SOX6: variants seen among roughly 807,000 people sequenced by gnomAD.
SOX6 encodes transcription factor SOX-6.
In SOX6, 11 loss-of-function variants were observed where a neutral mutation model predicts 97.8. That is an observed-to-expected ratio of 0.11 (90% CI 0.07 to 0.19). The LOEUF is 0.19. Among genes scored for constraint, SOX6 ranks in the 10% least tolerant of loss-of-function variants. The pLI, the probability that SOX6 is intolerant of heterozygous loss-of-function variation, is 1.00. For missense variants in SOX6, 810 were observed against 1,039.5 expected (o/e 0.78, Z 3.04); for synonymous variants, 360 against 371.4 (o/e 0.97, Z 0.35).
At chr11:16,051,687 T>C (rs939521899) in intron 10 of SOX6, among the ~76,000 whole-genome samples, 17 of 152,180 alleles carry the variant, frequency 1.1e-4, no homozygotes, top group African/African-American at 4.1e-4. Flanking sequence ...GCTAGGTGTT[T>C]ACTTAATTTT....
At position 16,736,858 on chromosome 11, in the gene SOX6, T is replaced by A. The variant is rs182355044; in HGVS notation, n.220-386A>T. Reference sequence around the variant, plus strand: ...TTTTTTTCTCTTGGGTTTACTCTCCTCCTCCTTTATGATTTATTCTTACCA... The same window carrying A: ...TTTTTTTCTCTTGGGTTTACTCTCCACCTCCTTTATGATTTATTCTTACCA... On this transcript the variant is annotated intron_variant and non_coding_transcript_variant, in intron 1 of 5. Coordinates refer to the SOX6 transcript ENST00000524520. Among the ~76,000 whole-genome samples, 15 of 152,336 alleles carry A rather than the reference T, an allele frequency of 9.8e-5. No individual in the cohort carries two copies. The East Asian group carries it at 2.9e-3, about 29-fold the overall frequency.
intron 4 of SOX6, among the ~76,000 whole-genome samples, chr11:16,504,124 C>T (rs570060006): frequency 1.3e-5 from 2 of 150,794 alleles, no homozygotes; most frequent in Admixed American, 6.6e-5. Flanking sequence ...ATACCAGAGC[C>T]CCCAAATATA....
At chr11:16,255,795 T>G (rs1264682524) in intron 3 of SOX6, among the ~76,000 whole-genome samples, 3 of 151,706 alleles carry the variant, frequency 2.0e-5, no homozygotes, top group African/African-American at 7.3e-5. Flanking sequence ...AAAAGCTAGT[T>G]TTTGGAAAGA....
intron 3 of SOX6, among the ~76,000 whole-genome samples, chr11:16,688,590 G>A (rs989907692): frequency 3.3e-5 from 5 of 152,058 alleles, no homozygotes; most frequent in Non-Finnish European, 5.9e-5. Flanking sequence ...AAATCTCATT[G>A]TAGTTTTCAT....
chr11:16,563,140 T>C (rs779692383), intron 4 of SOX6, among the ~76,000 whole-genome samples: 19 of 151,624 alleles, frequency 1.3e-4, no homozygotes, highest in Non-Finnish European at 2.4e-4. Context: ...GCAGCCATGA[T>C]AAAAAATATA....
intron 4 of SOX6, among the ~76,000 whole-genome samples, chr11:16,547,028 T>A (rs1475047648): frequency 6.6e-6 from 1 of 152,096 alleles, no homozygotes; most frequent in Non-Finnish European, 1.5e-5. Flanking sequence ...ATATCACTAA[T>A]CATCAAGGAA....
chr11:16,117,120 C>T (rs972951380), intron 6 of SOX6, among the ~76,000 whole-genome samples: 4 of 152,018 alleles, frequency 2.6e-5, no homozygotes, highest in South Asian at 2.1e-4. Context: ...GAGGCCAAGC[C>T]GGGTGGATCA....
chr11:16,358,938 C>A (rs1454809410), upstream of SOX6, among the ~76,000 whole-genome samples: 1 of 152,132 alleles, frequency 6.6e-6, no homozygotes, highest in Non-Finnish European at 1.5e-5. Context: ...TGACTACCTG[C>A]ACTGTGTCAA....
At position 15,972,544 on chromosome 11, in the gene SOX6, T is replaced by C. The variant is rs756872612; in HGVS notation, c.*265A>G. 3.8e-5 allele frequency: 19 copies of C among 495,482 alleles called. No homozygotes were observed. Among genetic ancestry groups the C allele is most frequent in the Non-Finnish European group, 6.1e-5 (17 of 276,932 alleles). The allele number at this position is 495,482 out of a possible 1,614,324, so 30.7% of individuals were successfully genotyped here. Reference sequence around the variant, plus strand: ...CTTGTAAGACATCTACGGGTTGAGATAAGTTTCAAGTCCTGGTGTCTCATA... The same window carrying C: ...CTTGTAAGACATCTACGGGTTGAGACAAGTTTCAAGTCCTGGTGTCTCATA... On this transcript the variant is annotated 3_prime_UTR_variant, in exon 16 of 16. Transcript: ENST00000683767.
At chr11:16,058,512 G>A (rs760344997) in intron 9 of SOX6, among the ~76,000 whole-genome samples, 1 of 152,028 alleles carries the variant, frequency 6.6e-6, no homozygotes, top group African/African-American at 2.4e-5. Context: ...TGATTTATGG[G>A]CTTCAGCATA....
intron 3 of SOX6, among the ~76,000 whole-genome samples, chr11:16,240,275 AGTGTGT>A (rs4031660): frequency 1.2e-3 from 152 of 129,142 alleles, no homozygotes; most frequent in South Asian, 3.7e-3. Context: ...TAGATAATAT[AGTGTGT>A]GTGTGTGTGT....
intron 4 of SOX6, among the ~76,000 whole-genome samples, chr11:16,514,271 ACATG>A: frequency 6.6e-6 from 1 of 151,782 alleles, no homozygotes; most frequent in South Asian, 2.1e-4. Context: ...ACATATTGTT[ACATG>A]TTCTTTAAAT....
intron 1 of SOX6, among the ~76,000 whole-genome samples, chr11:16,384,888 C>A (rs1300468123): frequency 1.3e-5 from 2 of 151,956 alleles, no homozygotes; most frequent in Admixed American, 6.6e-5. Context: ...AGACCATGTA[C>A]AATTAATAGA....
At chr11:16,267,620 T>C (rs1442815740) in intron 3 of SOX6, among the ~76,000 whole-genome samples, 2 of 151,580 alleles carry the variant, frequency 1.3e-5, no homozygotes, top group Non-Finnish European at 3.0e-5. Flanking sequence ...ATAGCCATTA[T>C]GAAAAACTGT....
In SOX6 at chr11:16,635,743, CTCTTGT is replaced by C. The variant is rs1292376501; in HGVS notation, n.430-23489_430-23484del. ...TTCCTGGGTGAGGTCCAGGGCCCCC[CTCTTGT>C]GTGCAGCCTCTGGACTTGGTGTCCT... On this transcript the variant is annotated intron_variant and non_coding_transcript_variant, in intron 3 of 5. Coordinates refer to the SOX6 transcript ENST00000524520. 4.6e-5 allele frequency among the ~76,000 whole-genome samples: 7 copies of C among 152,324 alleles called. No individual in the cohort carries two copies. The East Asian group carries it at 1.4e-3, about 29-fold the overall frequency.
intron 6 of SOX6, among the ~76,000 whole-genome samples, chr11:16,144,048 A>G (rs1850222807): frequency 6.6e-6 from 1 of 152,092 alleles, no homozygotes; most frequent in Admixed American, 6.6e-5. Flanking sequence ...ACAGAATAAT[A>G]TTCTTCTCAG....
intron 1 of SOX6, among the ~76,000 whole-genome samples, chr11:16,424,841 A>G (rs941065356): frequency 6.6e-6 from 1 of 152,250 alleles, no homozygotes; most frequent in East Asian, 1.9e-4. Flanking sequence ...ATTATCTGAA[A>G]GTGCCCAATA....
chr11:16,366,256 C>T (rs1363487377), intron 1 of SOX6, among the ~76,000 whole-genome samples: 1 of 152,104 alleles, frequency 6.6e-6, no homozygotes. Flanking sequence ...CCAGTTCTCC[C>T]ATACAGTGTT....
intron 6 of SOX6, among the ~76,000 whole-genome samples, chr11:16,123,041 A>AT (rs1479741932): frequency 6.6e-6 from 1 of 151,934 alleles, no homozygotes; most frequent in South Asian, 2.1e-4. Context: ...TAATTTCAAG[A>AT]TTTTTTAATG....
Sources: allele counts gnomAD v4.1 joint callset (sites outside exome capture counted in the v4.1 genomes callset), GRCh38; gene constraint gnomAD v4.1.1; transcripts MANE v1.5; gene names NCBI Gene and HGNC (gene_info 2026-07-23, HGNC 2026-07-21).